The following ZFP2 variants were observed in gnomAD, a reference collection of about 807,000 sequenced individuals.
ZFP2 encodes ZFP2 zinc finger protein, also known as zinc finger protein ZFP2.
In ZFP2, 33 loss-of-function variants were observed where a neutral mutation model predicts 36.1. The observed-to-expected ratio is 0.92, with a 90% CI of 0.69 to 1.22. The LOEUF (loss-of-function observed/expected upper bound fraction) is 1.22, where lower values mean the gene tolerates loss of function less well. Ranked by LOEUF, ZFP2 falls within the 50% of genes most tolerant of loss-of-function variation. The pLI is 0.00. For synonymous variants in ZFP2, 170 were observed against 178.0 expected (o/e 0.96, Z 0.36); for missense variants, 522 against 551.4 (o/e 0.95, Z 0.53).
chr5:178,896,438 A>G (rs1439757751), intron 1 of ZFP2, among the ~76,000 whole-genome samples: 2 of 151,758 alleles, frequency 1.3e-5, no homozygotes, highest in African/African-American at 4.8e-5. Context: ...CATCCCGGGG[A>G]TTCTGGGCCA....
chr5:178,912,812 C>A, intron 2 of ZFP2, 93 bp downstream of exon 2: 1 of 960,668 alleles, frequency 1.0e-6, no homozygotes, highest in Non-Finnish European at 1.3e-6. Flanking sequence ...GGTGTCCTCT[C>A]TTTCAAGGCA....
chr5:178,897,701 A>G (rs1275423459), intron 1 of ZFP2, among the ~76,000 whole-genome samples: 1 of 152,222 alleles, frequency 6.6e-6, no homozygotes, highest in Non-Finnish European at 1.5e-5. Context: ...TTAGGTTGGT[A>G]GAATTTTAAT....
At chr5:178,926,010 G>A (rs951245522) in intron 4 of ZFP2, among the ~76,000 whole-genome samples, 1 of 148,366 alleles carries the variant, frequency 6.7e-6, no homozygotes, top group Non-Finnish European at 1.5e-5. Context: ...CCATGATCTG[G>A]TAGTTTTTGA....
chr5:178,907,219 C>G (rs1445746367), intron 1 of ZFP2, among the ~76,000 whole-genome samples: 1 of 152,092 alleles, frequency 6.6e-6, no homozygotes, highest in African/African-American at 2.4e-5. Context: ...TTATGGCATT[C>G]CCTGGCACTC....
intron 1 of ZFP2, chr5:178,909,881 A>G (rs1758253357): frequency 6.4e-7 from 1 of 1,573,622 alleles, no homozygotes; most frequent in Admixed American, 1.7e-5. Flanking sequence ...GAGTGAAGTT[A>G]AGGAACATGT....
intron 1 of ZFP2, among the ~76,000 whole-genome samples, chr5:178,911,333 C>T (rs1198486580): frequency 6.6e-6 from 1 of 152,074 alleles, no homozygotes; most frequent in African/African-American, 2.4e-5. Flanking sequence ...CTACGGTTGA[C>T]CCTTAAATAA....
At chr5:178,930,539 T>C (rs1314403856) in intron 4 of ZFP2, among the ~76,000 whole-genome samples, 1 of 152,086 alleles carries the variant, frequency 6.6e-6, no homozygotes, top group African/African-American at 2.4e-5. Flanking sequence ...CAGGCTGGTC[T>C]TGAACTCCTG....
In ZFP2 at chr5:178,922,649, C is replaced by T. The variant is rs893688176; in HGVS notation, c.-78+5939C>T. 2.0e-5 allele frequency: 32 copies of T among 1,586,690 alleles called. 1 individual carries two copies. The highest frequency in any genetic ancestry group is 8.1e-5 in the African/African-American group (6 of 74,526). ...GTACGCTTGGAGCGACCTTTGTCCA[C>T]GTGGCTGGCCTTGTTATTTCACCAC... On this transcript the variant is annotated intron_variant, in intron 4 of 4. Coordinates refer to ENST00000361362, the MANE Select transcript of ZFP2 (RefSeq NM_030613.4).
At chr5:178,929,030 C>A (rs1228128183) in intron 4 of ZFP2, among the ~76,000 whole-genome samples, 1 of 152,348 alleles carries the variant, frequency 6.6e-6, no homozygotes, top group Non-Finnish European at 1.5e-5. Flanking sequence ...GCAGCCTGAG[C>A]TGTAACCTGG....
At chr5:178,930,913 T>G (rs745701661) in intron 4 of ZFP2, among the ~76,000 whole-genome samples, 2 of 152,230 alleles carry the variant, frequency 1.3e-5, no homozygotes, top group Non-Finnish European at 2.9e-5. Flanking sequence ...GTTTCCTTAG[T>G]TCCATCTTCA....
chr5:178,921,902 T>C (rs1405571342), intron 4 of ZFP2, among the ~76,000 whole-genome samples: 2 of 149,446 alleles, frequency 1.3e-5, no homozygotes, highest in African/African-American at 4.9e-5. Context: ...TACTCCACCT[T>C]ATCAGGAAGA....
chr5:178,933,137 T>G lies in ZFP2; in HGVS notation c.*438T>G, dbSNP rs1758884510. On this transcript the variant is annotated 3_prime_UTR_variant, in exon 5 of 5. Transcript: ENST00000361362. ...TCTTTATTTGGTAAATGAATGATTT[T>G]GGAGTTAGAAATCTTGTAGGAGCTC... The G allele has an allele frequency of 5.8e-6, 1 of 171,628 alleles. No homozygotes were observed. The highest frequency in any genetic ancestry group is 6.2e-5 in the Admixed American group (1 of 16,148). 10.6% of individuals were successfully genotyped at this position (171,628 alleles called of 1,614,324 possible).
chr5:178,932,361 G>A lies in ZFP2; in HGVS notation c.1048G>A (p.Gly350Arg), dbSNP rs760532108. ...AACTCAACATCGGAGAATTCACACT[G>A]GAGAGAAACCTTATGAGTGTATGGT... is the stretch of plus-strand genomic sequence containing the variant. The part of the protein sequence containing the change: ...SLTQHRRIHT[G>R]EKPYECMVCG... The change falls in exon 5 of 5, where the codon GGA becomes AGA. Residue 350 changes from glycine to arginine, a missense_variant. Physicochemically the swap from Gly to Arg is moderately radical, Grantham distance 125 (BLOSUM62 -2). Coordinates refer to ENST00000361362, the MANE Select transcript of ZFP2 (RefSeq NM_030613.4). 3 of 1,614,136 alleles carry A rather than the reference G, an allele frequency of 1.9e-6. No homozygotes were observed. Among genetic ancestry groups the A allele is most frequent in the Non-Finnish European group, 1.7e-6 (2 of 1,180,036 alleles).
At chr5:178,912,163 G>T (rs1758311829) in intron 1 of ZFP2, among the ~76,000 whole-genome samples, 1 of 152,166 alleles carries the variant, frequency 6.6e-6, no homozygotes, top group Admixed American at 6.6e-5. Context: ...GAAAAGAAAA[G>T]AAAAGAACGA....
At chr5:178,919,324 T>C (rs1758505011) in intron 4 of ZFP2, among the ~76,000 whole-genome samples, 1 of 152,230 alleles carries the variant, frequency 6.6e-6, no homozygotes, top group Non-Finnish European at 1.5e-5. Context: ...GTGCTAGTTA[T>C]ACTCTTGATG....
intron 1 of ZFP2, chr5:178,910,535 G>T: frequency 1.8e-6 from 1 of 549,626 alleles, no homozygotes. Context: ...CTTCTTGCTG[G>T]GGTCATGGTC....
chr5:178,908,298 A>G (rs1758209513), intron 1 of ZFP2, among the ~76,000 whole-genome samples: 1 of 151,978 alleles, frequency 6.6e-6, no homozygotes, highest in South Asian at 2.1e-4. Context: ...AATACAAAAA[A>G]TTAGCTGGTG....
chr5:178,918,596 C>T (rs1048194340), intron 4 of ZFP2, among the ~76,000 whole-genome samples: 2 of 151,968 alleles, frequency 1.3e-5, no homozygotes, highest in Non-Finnish European at 2.9e-5. Context: ...TGGTGAGTAT[C>T]AGAGTTATAT....
At chr5:178,930,162 C>T (rs1758795600) in intron 4 of ZFP2, among the ~76,000 whole-genome samples, 1 of 151,792 alleles carries the variant, frequency 6.6e-6, no homozygotes, top group Admixed American at 6.6e-5. Context: ...CCCATAAGGC[C>T]CCACCTCCAA....
Sources: gnomAD v4.1 joint callset for allele counts (sites outside exome capture counted in the v4.1 genomes callset) on GRCh38, gnomAD v4.1.1 for gene constraint, MANE v1.5 for transcripts, NCBI Gene and HGNC (gene_info 2026-07-23, HGNC 2026-07-21) for gene names.